Variants in RP1 observed in about 807,000 individuals in gnomAD.
RP1 encodes the protein oxygen-regulated protein 1.
A neutral mutation model predicts 14.8 loss-of-function variants in RP1; 16 were observed. That is an observed-to-expected ratio of 1.08 (90% CI 0.73 to 1.65). The LOEUF is 1.65. RP1 is among the 40% of genes most tolerant of loss of function. RP1 has a pLI of 0.00. For missense variants in RP1, 2,631 were observed against 2,535.0 expected (o/e 1.04, Z -0.81); for synonymous variants, 876 against 883.6 (o/e 0.99, Z 0.15).
intron 1 of RP1, among the ~76,000 whole-genome samples, chr8:54,602,232 T>A (rs1159410109): frequency 6.6e-6 from 1 of 152,174 alleles, no homozygotes; most frequent in African/African-American, 2.4e-5. Flanking sequence ...TTCCCCTTTC[T>A]GTGTCCATGT....
At chr8:54,773,923 A>G (rs1809972001), downstream of RP1, among the ~76,000 whole-genome samples, 1 of 152,212 alleles carries the variant, frequency 6.6e-6, no homozygotes, top group Admixed American at 6.5e-5. Flanking sequence ...TATGTGTGGC[A>G]AAGATTATTA....
At chr8:54,850,119 A>C (rs979855887) in intron 25 of RP1, among the ~76,000 whole-genome samples, 1 of 152,216 alleles carries the variant, frequency 6.6e-6, no homozygotes, top group Non-Finnish European at 1.5e-5. Context: ...GAAATGTCCA[A>C]CATAGATGGA....
chr8:54,658,342 G>C lies in RP1; in HGVS notation c.1171+2127G>C, dbSNP rs1806801465. Among the ~76,000 whole-genome samples, 7 of 149,766 alleles carry C rather than the reference G, an allele frequency of 4.7e-5. No homozygotes were observed. In the South Asian group the frequency reaches 1.5e-3, roughly 31 times the overall value. ...CGAGGCGGGCGGATCACGAGGTCAG[G>C]AGATCGAGACCATCCCGGCTAAAAC... is the stretch of plus-strand genomic sequence containing the variant. On this transcript the variant is annotated intron_variant, in intron 6 of 22. Coordinates refer to the RP1 transcript ENST00000636932.
chr8:54,706,416 C>T, intron 14 of RP1: 1 of 1,533,174 alleles, frequency 6.5e-7, no homozygotes, highest in Non-Finnish European at 8.7e-7. Flanking sequence ...TACTGACTGC[C>T]TTTCTGTTCT....
At chr8:54,826,109 G>A (rs1419041431) in intron 24 of RP1, among the ~76,000 whole-genome samples, 2 of 152,156 alleles carry the variant, frequency 1.3e-5, no homozygotes, top group African/African-American at 4.8e-5. Flanking sequence ...GTTGTAATAA[G>A]AGATGGTTGA....
intron 24 of RP1, among the ~76,000 whole-genome samples, chr8:54,785,873 C>T (rs1260270720): frequency 6.6e-6 from 1 of 152,004 alleles, no homozygotes; most frequent in East Asian, 1.9e-4. Context: ...CATATTTATA[C>T]TTGATCTTAG....
At chr8:54,831,862 C>CT (rs571563859) in intron 24 of RP1, among the ~76,000 whole-genome samples, 210 of 151,338 alleles carry the variant, frequency 1.4e-3, no homozygotes, top group African/African-American at 4.8e-3. Flanking sequence ...ATTTTCTTAG[C>CT]TTTTTTTAAT....
At chr8:54,776,798 T>A (rs1477019447) in intron 23 of RP1, among the ~76,000 whole-genome samples, 8 of 152,166 alleles carry the variant, frequency 5.3e-5, no homozygotes. Context: ...AATTTGATAT[T>A]TGACTGTCAC....
At chr8:54,726,396 A>C in exon 17 of RP1, 2 of 1,534,370 alleles carry the variant, frequency 1.3e-6, no homozygotes, top group South Asian at 2.4e-5. Flanking sequence ...CAAGAAGAAG[A>C]AAAGATCCAT....
rs1474917666 is a variant in RP1, at chr8:54,673,894, T to C, written c.1368T>C (p.Cys456=). 2.0e-6 allele frequency: 3 copies of C among 1,535,874 alleles called. No individual in the cohort carries two copies. In the Admixed American group the frequency reaches 5.9e-5, roughly 30 times the overall value. Residue 456 remains cysteine (C), a synonymous_variant, in exon 8 of 23, where the codon TGT becomes TGC. Coordinates refer to the RP1 transcript ENST00000636932. ...AGGCTGTGCACCTTGGAGATTTGTG[T>C]AAGATTGTGATAGGCCATGATGGAC...
At chr8:54,688,667 T>A (rs545636381) in intron 12 of RP1, among the ~76,000 whole-genome samples, 12 of 152,310 alleles carry the variant, frequency 7.9e-5, no homozygotes, top group African/African-American at 2.6e-4. Flanking sequence ...GTTCCACTGG[T>A]CTATATATCT....
intron 8 of RP1, among the ~76,000 whole-genome samples, chr8:54,676,043 C>A (rs1303872408): frequency 6.6e-6 from 1 of 151,976 alleles, no homozygotes; most frequent in Non-Finnish European, 1.5e-5. Flanking sequence ...TGAGGGCACT[C>A]ATCCCACTCA....
chr8:54,722,493 A>G (rs1473732290), intron 16 of RP1, among the ~76,000 whole-genome samples: 3 of 152,014 alleles, frequency 2.0e-5, no homozygotes, highest in African/African-American at 7.2e-5. Flanking sequence ...GATGGTCTCA[A>G]TCTCCTGACC....
intron 18 of RP1, among the ~76,000 whole-genome samples, chr8:54,735,078 A>G (rs1461059419): frequency 1.3e-5 from 2 of 150,992 alleles, no homozygotes; most frequent in Non-Finnish European, 3.0e-5. Context: ...GGTAATGAAA[A>G]CTCTTCTTTT....
At chr8:54,569,462 G>A (rs912519136) in intron 1 of RP1, among the ~76,000 whole-genome samples, 2 of 152,182 alleles carry the variant, frequency 1.3e-5, no homozygotes, top group African/African-American at 4.8e-5. Flanking sequence ...GGCCATATTG[G>A]CTTGAGTATT....
At chr8:54,824,647 A>G (rs1329957251) in intron 24 of RP1, among the ~76,000 whole-genome samples, 2 of 152,358 alleles carry the variant, frequency 1.3e-5, no homozygotes, top group East Asian at 3.9e-4. Flanking sequence ...ATGAGTATAG[A>G]TACAAAAGTC....
In RP1 at chr8:54,587,247, G is replaced by A. The variant is rs201776064; in HGVS notation, c.-13+27927G>A. Among the ~76,000 whole-genome samples the A allele has an allele frequency of 1.2e-4, 19 of 152,240 alleles. No individual in the cohort carries two copies. In the East Asian group the frequency reaches 3.3e-3, roughly 26 times the overall value. On this transcript the variant is annotated intron_variant, in intron 1 of 22. Coordinates refer to the RP1 transcript ENST00000636932. Reference sequence around the variant, plus strand: ...TTGAGACCGGCCTGGCCAACATGGCGAAACCCTGTCACTACTAAAAATACA... The same window carrying A: ...TTGAGACCGGCCTGGCCAACATGGCAAAACCCTGTCACTACTAAAAATACA...
chr8:54,567,333 G>C (rs996208457), intron 1 of RP1, among the ~76,000 whole-genome samples: 1 of 152,052 alleles, frequency 6.6e-6, no homozygotes, highest in African/African-American at 2.4e-5. Flanking sequence ...CAGTATCTAG[G>C]CATCTTTTTT....
At chr8:54,783,697 C>A (rs1197704219) in exon 24 of RP1, 10 of 1,230,548 alleles carry the variant, frequency 8.1e-6, no homozygotes, top group Non-Finnish European at 1.0e-5. Flanking sequence ...CCTAACACTG[C>A]AGATATATTC....
Sources: allele counts gnomAD v4.1 joint callset (sites outside exome capture counted in the v4.1 genomes callset), GRCh38; gene constraint gnomAD v4.1.1; transcripts MANE v1.5; gene names NCBI Gene and HGNC (gene_info 2026-07-23, HGNC 2026-07-21).